Variants in REEP5 observed in about 807,000 individuals in gnomAD.
The protein encoded by REEP5 is receptor expression-enhancing protein 5.
REEP5 carries 24 observed loss-of-function variants against 22.4 expected under a neutral mutation model. The observed-to-expected ratio is 1.07, with a 90% CI of 0.78 to 1.51. The LOEUF is 1.51. Among genes scored for constraint, REEP5 ranks in the 40% most tolerant of loss-of-function variants. The probability of loss-of-function intolerance (pLI) is 0.00; values close to 1 mark genes in which losing one functional copy is unlikely to be tolerated. For missense variants in REEP5, 252 were observed against 233.0 expected (o/e 1.08, Z -0.53); for synonymous variants, 103 against 88.6 (o/e 1.16, Z -0.92).
At chr5:112,888,371 C>G (rs1352476623) in intron 3 of REEP5, among the ~76,000 whole-genome samples, 1 of 152,230 alleles carries the variant, frequency 6.6e-6, no homozygotes, top group Non-Finnish European at 1.5e-5. Context: ...TTATACTAGA[C>G]TTTGAACTTG....
intron 2 of REEP5, among the ~76,000 whole-genome samples, chr5:112,904,101 T>C (rs1768904141): frequency 6.6e-6 from 1 of 152,134 alleles, no homozygotes; most frequent in East Asian, 1.9e-4. Context: ...CAAAGTGCAG[T>C]CTGGTGGCTC....
intron 2 of REEP5, among the ~76,000 whole-genome samples, chr5:112,902,987 G>A (rs1480177772): frequency 6.6e-6 from 1 of 152,186 alleles, no homozygotes; most frequent in Non-Finnish European, 1.5e-5. Context: ...GTTAGGTACT[G>A]CCCAAAATCC....
intron 2 of REEP5, among the ~76,000 whole-genome samples, chr5:112,920,234 T>C (rs549288096): frequency 2.0e-4 from 30 of 152,350 alleles, no homozygotes; most frequent in Admixed American, 3.3e-4. Context: ...CTTATAGTCA[T>C]AGACTAAATT....
At chr5:112,908,846 T>C (rs910535299) in intron 2 of REEP5, among the ~76,000 whole-genome samples, 6 of 148,864 alleles carry the variant, frequency 4.0e-5, no homozygotes, top group Admixed American at 2.0e-4. Flanking sequence ...TGAGCCACCA[T>C]GCCCAGCCCA....
chr5:112,891,962 A>C lies in REEP5; in HGVS notation c.352-4779T>G, dbSNP rs1226569208. On this transcript the variant is annotated intron_variant, in intron 3 of 4. Transcript: ENST00000379638. ...GCGGCTAAAAAATGGCTAGAAGAACAAGAGAGAAAGTTAAAGGAACAATGG... is the reference window on the plus strand; with the variant it reads ...GCGGCTAAAAAATGGCTAGAAGAACCAGAGAGAAAGTTAAAGGAACAATGG... The C allele has an allele frequency of 6.4e-6, 8 of 1,242,096 alleles. No individual in the cohort carries two copies. In the East Asian group the frequency reaches 1.6e-4, roughly 25 times the overall value. 76.9% of individuals were successfully genotyped at this position (1,242,096 alleles called of 1,614,324 possible). A position where few individuals can be genotyped will look rare whatever the true frequency, so the allele number is the denominator to read the frequency against.
At chr5:112,902,549 T>G in intron 2 of REEP5, 31 bp from the exon 3 acceptor site, 1 of 1,536,876 alleles carries the variant, frequency 6.5e-7, no homozygotes, top group Non-Finnish European at 8.7e-7. Flanking sequence ...AAGTATATCA[T>G]TTGGTAAGAT....
chr5:112,883,688 C>G (rs927083656), intron 4 of REEP5, among the ~76,000 whole-genome samples: 6 of 152,138 alleles, frequency 3.9e-5, no homozygotes, highest in Non-Finnish European at 7.3e-5. Flanking sequence ...ACTCTTGACA[C>G]CTGTATCCAA....
chr5:112,879,642 T>G (rs1024632960), intron 4 of REEP5, among the ~76,000 whole-genome samples: 1 of 151,568 alleles, frequency 6.6e-6, no homozygotes, highest in African/African-American at 2.4e-5. Flanking sequence ...CCCAGCTAAT[T>G]TTTTTTTGTA....
intron 2 of REEP5, among the ~76,000 whole-genome samples, chr5:112,914,213 C>T (rs1161931713): frequency 1.3e-5 from 2 of 151,216 alleles, no homozygotes; most frequent in Admixed American, 6.6e-5. Context: ...ACCTGTGCCT[C>T]CTGGGTTCAA....
intron 3 of REEP5, chr5:112,892,101 T>C (rs531248504): frequency 8.1e-6 from 13 of 1,613,464 alleles, no homozygotes; most frequent in Admixed American, 1.7e-5. Context: ...ATTTAGAAAA[T>C]AGTACCACAT....
chr5:112,920,766 A>T (rs1015076966), intron 2 of REEP5, among the ~76,000 whole-genome samples: 10 of 152,210 alleles, frequency 6.6e-5, no homozygotes, highest in Admixed American at 6.5e-4. Context: ...CCTAATTGAT[A>T]GGGTTTTACT....
At chr5:112,920,317 T>G (rs1459147260) in intron 2 of REEP5, among the ~76,000 whole-genome samples, 1 of 152,240 alleles carries the variant, frequency 6.6e-6, no homozygotes, top group Non-Finnish European at 1.5e-5. Flanking sequence ...GTGAAAATTT[T>G]TTCTTCCTTT....
chr5:112,920,703 A>C (rs1466521787), intron 2 of REEP5, among the ~76,000 whole-genome samples: 1 of 152,224 alleles, frequency 6.6e-6, no homozygotes, highest in East Asian at 1.9e-4. Flanking sequence ...ATAAAAGAAA[A>C]TGAGAAAATT....
At chr5:112,915,380 G>A (rs1050934754) in intron 2 of REEP5, among the ~76,000 whole-genome samples, 14 of 152,150 alleles carry the variant, frequency 9.2e-5, no homozygotes, top group African/African-American at 3.1e-4. Context: ...GCAAGCGGGC[G>A]AACCTTAACT....
rs1561657600 is a variant in REEP5, at chr5:112,908,086, C to CTTTG, written c.213-5569_213-5568insCAAA. Among the ~76,000 whole-genome samples the CTTTG allele has an allele frequency of 2.0e-4, 15 of 76,740 alleles. 1 individual carries two copies. The highest frequency in any genetic ancestry group is 2.9e-4 in the Non-Finnish European group (11 of 37,940). The allele number at this position is 76,740 out of a possible 152,430, so 50.3% of individuals were successfully genotyped here. A position where few individuals can be genotyped will look rare whatever the true frequency, so the allele number is the denominator to read the frequency against. ...TTTGGAAAAGAATGAGCATCAGAGA[C>CTTTG]TTTCTTTGTTTTTTGTTTTTTTTTT... On this transcript the variant is annotated intron_variant, in intron 2 of 4. Transcript: ENST00000379638.
At chr5:112,909,290 TG>T (rs1350542167) in intron 2 of REEP5, among the ~76,000 whole-genome samples, 1 of 150,160 alleles carries the variant, frequency 6.7e-6, no homozygotes, top group East Asian at 1.9e-4. Context: ...AGTTAATATA[TG>T]TAAAGCACTA....
At chr5:112,892,357 C>G (rs549770313) in intron 3 of REEP5, 36 of 1,614,104 alleles carry the variant, frequency 2.2e-5, no homozygotes, top group Non-Finnish European at 2.8e-5. Context: ...AACCTACCAA[C>G]AGTTCCTAGA....
In REEP5 at chr5:112,922,147, T is replaced by G; in HGVS notation, c.44A>C (p.Glu15Ala). ...MRERFDRFLHEKNCMTDLLAK... is the reference protein window; with the variant it reads ...MRERFDRFLHAKNCMTDLLAK... ...CAGAAGGTCAGTCATGCAGTTCTTC[T>G]CGTGCAGGAACCGGTCGAACCTCTC... is the stretch of plus-strand genomic sequence containing the variant. Residue 15 changes from glutamate to alanine, a missense_variant, in exon 1 of 5, where the codon GAG becomes GCG. Transcript: ENST00000379638. 4 of 1,608,178 alleles carry G rather than the reference T, an allele frequency of 2.5e-6. No homozygotes were observed. Among genetic ancestry groups the G allele is most frequent in the Non-Finnish European group, 3.4e-6 (4 of 1,177,428 alleles).
At chr5:112,903,202 A>G (rs1293886985) in intron 2 of REEP5, among the ~76,000 whole-genome samples, 1 of 152,208 alleles carries the variant, frequency 6.6e-6, no homozygotes, top group Non-Finnish European at 1.5e-5. Flanking sequence ...AATCACAGAA[A>G]TTTCCTTCAG....
Sources: allele counts gnomAD v4.1 joint callset (sites outside exome capture counted in the v4.1 genomes callset), GRCh38; gene constraint gnomAD v4.1.1; transcripts MANE v1.5; gene names NCBI Gene and HGNC (gene_info 2026-07-23, HGNC 2026-07-21).